The following ADAM29 variants were observed in gnomAD, a reference collection of about 807,000 sequenced individuals.
ADAM29 encodes the protein disintegrin and metalloproteinase domain-containing protein 29.
For synonymous variants in ADAM29, 367 were observed against 342.3 expected (o/e 1.07, Z -0.80); for missense variants, 969 against 1,001.8 (o/e 0.97, Z 0.44).
Position 174,977,491 on chromosome 4 carries a change from A to G in ADAM29, c.1966A>G (p.Lys656Glu). The change falls in exon 5 of 5, where the codon AAA becomes GAA. Residue 656 changes from lysine to glutamate, a missense_variant. Physicochemically the swap from Lys to Glu is moderately conservative, Grantham distance 56. Coordinates refer to ENST00000359240, the MANE Select transcript of ADAM29 (RefSeq NM_014269.4). ...YLWDPPNCLI[K>E]GYGGSVDSGP... is the part of the protein sequence containing the mutation. ...GTGGGACCCTCCCAACTGCCTGATA[A>G]AAGGCTATGGAGGTAGTGTTGACAG... 6.2e-7 allele frequency: 1 copy of G among 1,614,162 alleles called. No individual in the cohort carries two copies.
chr4:174,931,077 G>C lies in ADAM29; in HGVS notation c.-359G>C, dbSNP rs1724661214. On this transcript the variant is annotated 5_prime_UTR_variant, in exon 3 of 5. Coordinates refer to ENST00000359240, the MANE Select transcript of ADAM29 (RefSeq NM_014269.4). ...TAGTGCATAACTCGTCAATACTCCT[G>C]TGATCGTATAACCATCAGCAAGAAA... 1 of 152,134 alleles carries C rather than the reference G, an allele frequency of 6.6e-6. No homozygotes were observed. Among genetic ancestry groups the C allele is most frequent in the South Asian group, 2.1e-4 (1 of 4,828 alleles). 9.4% of individuals were successfully genotyped at this position (152,134 alleles called of 1,614,324 possible). A position where few individuals can be genotyped will look rare whatever the true frequency, so the allele number is the denominator to read the frequency against.
chr4:174,971,776 C>A (rs1316755503), intron 4 of ADAM29, among the ~76,000 whole-genome samples: 1 of 152,132 alleles, frequency 6.6e-6, no homozygotes, highest in Non-Finnish European at 1.5e-5. Flanking sequence ...GCCATTATTT[C>A]TTTAAATAGG....
chr4:174,969,008 A>AAAG (rs1746315825), intron 4 of ADAM29, among the ~76,000 whole-genome samples: 1 of 151,474 alleles, frequency 6.6e-6, no homozygotes, highest in African/African-American at 2.4e-5. Context: ...TCTAGAAAAA[A>AAAG]AAAGAAAGAT....
chr4:174,965,111 G>A (rs576484091), intron 4 of ADAM29, among the ~76,000 whole-genome samples: 1 of 152,182 alleles, frequency 6.6e-6, no homozygotes, highest in African/African-American at 2.4e-5. Flanking sequence ...GAATACTTGA[G>A]GCTGGATAAT....
chr4:174,960,676 T>G (rs546121238), intron 4 of ADAM29, among the ~76,000 whole-genome samples: 3 of 152,300 alleles, frequency 2.0e-5, no homozygotes, highest in African/African-American at 7.2e-5. Flanking sequence ...GCCTCTTTGA[T>G]TCTATCACTA....
Position 174,977,009 on chromosome 4 carries a change from A to C in ADAM29, c.1484A>C (p.Glu495Ala). The C allele has an allele frequency of 6.2e-7, 1 of 1,614,190 alleles. No individual in the cohort carries two copies. The highest frequency in any genetic ancestry group is 8.5e-7 in the Non-Finnish European group (1 of 1,180,040). Reference protein sequence around the residue: ...IPCKERGYCYEKSCHDRNEQC... With the variant: ...IPCKERGYCYAKSCHDRNEQC... Reference sequence around the variant, plus strand: ...TGTAAGGAGAGGGGCTACTGCTATGAAAAGAGCTGTCATGACCGCAATGAA... The same window carrying C: ...TGTAAGGAGAGGGGCTACTGCTATGCAAAGAGCTGTCATGACCGCAATGAA... Residue 495 changes from glutamate to alanine, a missense_variant, in exon 5 of 5, where the codon GAA (glutamate) becomes GCA (alanine). By Grantham distance (107) the Glu-to-Ala change is moderately radical. Coordinates refer to ENST00000359240, the MANE Select transcript of ADAM29 (RefSeq NM_014269.4).
rs182213921 is a variant in ADAM29, at chr4:174,964,920, A to G, written c.-180-10426A>G. Among the ~76,000 whole-genome samples the G allele has an allele frequency of 2.5e-3, 374 of 152,228 alleles. 1 individual carries two copies. Among genetic ancestry groups the G allele is most frequent in the Middle Eastern group, 0.02 (6 of 294 alleles). On this transcript the variant is annotated intron_variant, in intron 4 of 4. Transcript: ENST00000359240. ...TGAGTAGGCAAAAAAAATAAAAAAT[A>G]AAAAACACAGAAAATCAATGAACAG...
chr4:174,962,218 T>G (rs1243589677), intron 4 of ADAM29, among the ~76,000 whole-genome samples: 1 of 152,138 alleles, frequency 6.6e-6, no homozygotes, highest in East Asian at 1.9e-4. Context: ...GTTAAAAAGA[T>G]TTACAGTTAG....
intron 4 of ADAM29, among the ~76,000 whole-genome samples, chr4:174,967,381 T>G (rs964375706): frequency 6.6e-6 from 1 of 152,190 alleles, no homozygotes; most frequent in African/African-American, 2.4e-5. Flanking sequence ...CTTTGGTACT[T>G]GGAGTTTCTA....
At chr4:174,924,681 A>C (rs1334387165) in intron 2 of ADAM29, among the ~76,000 whole-genome samples, 1 of 152,222 alleles carries the variant, frequency 6.6e-6, no homozygotes, top group Non-Finnish European at 1.5e-5. Flanking sequence ...CCTGAAGTGC[A>C]TAATAGTAGG....
chr4:174,959,246 T>G (rs1745674286), intron 4 of ADAM29, among the ~76,000 whole-genome samples: 1 of 151,890 alleles, frequency 6.6e-6, no homozygotes, highest in Non-Finnish European at 1.5e-5. Flanking sequence ...AATTCTAGGT[T>G]GGCAGGGATT....
chr4:174,935,635 G>T (rs1194485022), intron 3 of ADAM29, among the ~76,000 whole-genome samples: 3 of 152,016 alleles, frequency 2.0e-5, no homozygotes, highest in Non-Finnish European at 4.4e-5. Context: ...AGTTAATCTG[G>T]TTGACTTAAT....
chr4:174,954,159 TG>T (rs1425844783), intron 4 of ADAM29, among the ~76,000 whole-genome samples: 1 of 152,238 alleles, frequency 6.6e-6, no homozygotes, highest in Non-Finnish European at 1.5e-5. Flanking sequence ...ATGCATTATT[TG>T]AAATACCTCT....
At chr4:174,920,498 C>T (rs140461821) in intron 1 of ADAM29, among the ~76,000 whole-genome samples, 189 bp from the exon 2 acceptor site, 1,629 of 152,134 alleles carry the variant, frequency 0.011, 16 homozygotes, top group Non-Finnish European at 0.015. Flanking sequence ...TATTAAAACA[C>T]GCTAATAAAT....
At chr4:174,961,794 A>G (rs182538356) in intron 4 of ADAM29, among the ~76,000 whole-genome samples, 305 of 152,302 alleles carry the variant, frequency 2.0e-3, no homozygotes, top group African/African-American at 7.1e-3. Flanking sequence ...GGATTACTGT[A>G]TTACCATACA....
intron 1 of ADAM29, among the ~76,000 whole-genome samples, chr4:174,918,768 A>C (rs901455004): frequency 6.6e-6 from 1 of 152,140 alleles, no homozygotes; most frequent in African/African-American, 2.4e-5. Context: ...AAAAGAAAAA[A>C]AAACACAGGG....
At chr4:174,965,508 T>TATC (rs1553977753) in intron 4 of ADAM29, among the ~76,000 whole-genome samples, 1 of 151,746 alleles carries the variant, frequency 6.6e-6, no homozygotes, top group African/African-American at 2.4e-5. Flanking sequence ...TCTATCTATC[T>TATC]ATCTATCTAT....
intron 4 of ADAM29, among the ~76,000 whole-genome samples, chr4:174,965,699 C>A (rs1455256544): frequency 1.3e-5 from 2 of 151,990 alleles, no homozygotes; most frequent in Non-Finnish European, 2.9e-5. Context: ...GTTTGCCTAC[C>A]ACTGCCTTCT....
At chr4:174,953,780 G>A (rs546372611) in intron 4 of ADAM29, among the ~76,000 whole-genome samples, 89 of 152,004 alleles carry the variant, frequency 5.9e-4, no homozygotes, top group Middle Eastern at 3.4e-3. Flanking sequence ...ATGCCATCTC[G>A]GCTGACTGCA....
Sources: gnomAD v4.1 joint callset for allele counts (sites outside exome capture counted in the v4.1 genomes callset) on GRCh38, gnomAD v4.1.1 for gene constraint, MANE v1.5 for transcripts, NCBI Gene and HGNC (gene_info 2026-07-23, HGNC 2026-07-21) for gene names.